Variants in FAM171A2 observed in about 807,000 individuals in gnomAD.
FAM171A2 encodes protein FAM171A2.
A neutral mutation model predicts 34.2 loss-of-function variants in FAM171A2; 13 were observed. The ratio of observed to expected loss-of-function variants is 0.38; its 90% CI spans 0.25 to 0.60. The LOEUF (loss-of-function observed/expected upper bound fraction) is 0.60. Among genes scored for constraint, FAM171A2 ranks in the 20% least tolerant of loss-of-function variants. The probability of loss-of-function intolerance (pLI) is 0.62; values close to 1 mark genes in which losing one functional copy is unlikely to be tolerated. For synonymous variants in FAM171A2, 475 were observed against 561.2 expected, an observed-to-expected ratio of 0.85 and a Z score of 2.17; for missense variants, 950 against 1,180.7, an observed-to-expected ratio of 0.80 and a Z score of 2.86.
chr17:44,360,970 AC>A (rs1230201091), intron 1 of FAM171A2, among the ~76,000 whole-genome samples: 2 of 152,186 alleles, frequency 1.3e-5, no homozygotes, highest in African/African-American at 4.8e-5. Flanking sequence ...CACCATGGCA[AC>A]GCCCTCATTC....
chr17:44,353,765 C>G lies in FAM171A2; in HGVS notation c.2449G>C (p.Glu817Gln). The G allele has an allele frequency of 1.4e-6, 2 of 1,433,730 alleles. No individual in the cohort carries two copies. Among genetic ancestry groups the G allele is most frequent in the Non-Finnish European group, 1.8e-6 (2 of 1,094,032 alleles). The allele number at this position is 1,433,730 out of a possible 1,614,324, so 88.8% of individuals were successfully genotyped here. The change falls in exon 8 of 8, where the codon GAG (glutamate) becomes CAG (glutamine). Residue 817 changes from glutamate (E) to glutamine (Q), a missense_variant. Physicochemically the swap from Glu to Gln is conservative, Grantham distance 29 (BLOSUM62 2). Coordinates refer to ENST00000293443, the MANE Select transcript of FAM171A2 (RefSeq NM_198475.3). ...DKKSPWQRRE[E>Q]RPLMVFNVK ...ACGTTGAACACCATCAGCGGCCGCT[C>G]CTCCCGCCGCTGCCACGGGCTCTTC... is the stretch of plus-strand genomic sequence containing the variant.
intron 3 of FAM171A2, chr17:44,359,333 G>A (rs1160772279): frequency 1.7e-5 from 9 of 520,374 alleles, no homozygotes; most frequent in Admixed American, 1.0e-4. Context: ...TAGAAACCAC[G>A]AGAAGCCCCG....
Position 44,353,656 on chromosome 17 carries a change from G to GC in FAM171A2, c.*76dup. 1 of 1,091,034 alleles carries GC rather than the reference G, an allele frequency of 9.2e-7. No individual in the cohort carries two copies. The allele number at this position is 1,091,034 out of a possible 1,614,324, so 67.6% of individuals were successfully genotyped here. A position where few individuals can be genotyped will look rare whatever the true frequency, so the allele number is the denominator to read the frequency against. ...CTGGGGCTGGGAGCTACGCGCGAGG[G>GC]CCCCCGCGGGCCCCCGGGGCGCGCA... On this transcript the variant is annotated 3_prime_UTR_variant, in exon 8 of 8. Transcript: ENST00000293443.
rs951609712 is a variant in FAM171A2 at position 44,356,064 on chromosome 17, C to T, written c.789G>A (p.Val263=). The change falls in exon 6 of 8, where the codon GTG becomes GTA. Residue 263 remains valine, a synonymous_variant. Transcript: ENST00000293443. The part of the protein sequence containing the change: ...WRFDPKSGLW[V]RNGTGVIRKE... ...TCCGGATTACACCAGTGCCATTGCG[C>T]ACCCACAGCCCTGGGAGAGGCAGGG... is the stretch of plus-strand genomic sequence containing the variant. 2.6e-6 allele frequency: 4 copies of T among 1,540,844 alleles called. No homozygotes were observed. The highest frequency in any genetic ancestry group is 4.0e-5 in the Admixed American group (2 of 50,050).
chr17:44,355,045 G>A lies in FAM171A2; in HGVS notation c.1169C>T (p.Pro390Leu). The A allele has an allele frequency of 6.5e-7, 1 of 1,541,512 alleles. No homozygotes were observed. The highest frequency in any genetic ancestry group is 8.7e-7 in the Non-Finnish European group (1 of 1,143,136). ...GPLEPAPSGD[P>L]EAPPPGPLHS... ...GAGGGGGCCTGGAGGCGGAGCCTCGGGGTCCCCCGACGGGGCGGGTTCCAG... is the reference window on the plus strand; with the variant it reads ...GAGGGGGCCTGGAGGCGGAGCCTCGAGGTCCCCCGACGGGGCGGGTTCCAG... The change falls in exon 8 of 8, where the codon CCC (proline) becomes CTC (leucine). Residue 390 changes from proline to leucine, a missense_variant. Around this residue, in one of 3 missense-constraint regions of FAM171A2, gnomAD observed 752 missense variants for 924.5 expected, o/e 0.81. Coordinates refer to ENST00000293443, the MANE Select transcript of FAM171A2 (RefSeq NM_198475.3). The surrounding 1 kb of genome is among the most constrained non-coding windows in gnomAD (Gnocchi z 4.1).
rs1354585797 is a variant in FAM171A2 at position 44,356,362 on chromosome 17, G to A, written c.599-10C>T. Reference sequence around the variant, plus strand: ...AGCCAGGAGCCATTGCCTGAGGGAAGAGGGTACAGGGCTGAGGGCTGATCC... The same window carrying A: ...AGCCAGGAGCCATTGCCTGAGGGAAAAGGGTACAGGGCTGAGGGCTGATCC... On this transcript the variant is annotated splice_polypyrimidine_tract_variant and intron_variant, in intron 4 of 7. Coordinates refer to ENST00000293443, the MANE Select transcript of FAM171A2 (RefSeq NM_198475.3). 7.8e-6 allele frequency: 12 copies of A among 1,543,890 alleles called. No individual in the cohort carries two copies. Among genetic ancestry groups the A allele is most frequent in the South Asian group, 4.8e-5 (4 of 83,846 alleles).
Position 44,354,952 on chromosome 17 carries a change from C to G in FAM171A2, c.1262G>C (p.Arg421Pro). 6.9e-7 allele frequency: 1 copy of G among 1,447,914 alleles called. No homozygotes were observed. Among genetic ancestry groups the G allele is most frequent in the African/African-American group, 1.5e-5 (1 of 68,340 alleles). 89.7% of individuals were successfully genotyped at this position (1,447,914 alleles called of 1,614,324 possible). The change falls in exon 8 of 8, where the codon CGC becomes CCC. Residue 421 changes from arginine to proline, a missense_variant. This residue lies in a region of FAM171A2 where 752 missense variants were observed against 924.5 expected (regional missense o/e 0.81). Transcript: ENST00000293443. This position sits in a 1 kb window ranked among gnomAD's most constrained non-coding sequence, Gnocchi z 5.8. ...CTCGGCGGCCGGGCGGCTGGCAGAG[C>G]GCGGCTTGGTGCGGAAGAAGTCATC... ...SRDDFFRTKP[R>P]SASRPAAEPS...
At chr17:44,357,747 G>GTGTGTGTGTGTGTGTGTGTGTA (rs1177809247) in intron 3 of FAM171A2, among the ~76,000 whole-genome samples, 1 of 151,870 alleles carries the variant, frequency 6.6e-6, no homozygotes, top group Non-Finnish European at 1.5e-5. Context: ...GTGTGTGTGT[G>GTGTGTGTGTGTGTGTGTGTGTA]TGTGTGTGTG....
intron 3 of FAM171A2, among the ~76,000 whole-genome samples, chr17:44,357,566 G>C (rs556824625): frequency 6.6e-6 from 1 of 152,202 alleles, no homozygotes; most frequent in African/African-American, 2.4e-5. Flanking sequence ...AGAATCGCTT[G>C]AACCCAGGCA....
rs1258749682 is a variant in FAM171A2 at position 44,353,781 on chromosome 17, C to T, written c.2433G>A (p.Pro811=). Residue 811 remains proline (P), a synonymous_variant, in exon 8 of 8, where the codon CCG becomes CCA. Transcript: ENST00000293443. ...VGDEAGDKKS[P]WQRREERPLM... Reference sequence around the variant, plus strand: ...GCGGCCGCTCCTCCCGCCGCTGCCACGGGCTCTTCTTGTCTCCCGCCTCGT... The same window carrying T: ...GCGGCCGCTCCTCCCGCCGCTGCCATGGGCTCTTCTTGTCTCCCGCCTCGT... 56 of 1,437,716 alleles carry T rather than the reference C, an allele frequency of 3.9e-5. No individual in the cohort carries two copies. Among genetic ancestry groups the T allele is most frequent in the African/African-American group, 6.0e-5 (4 of 67,148 alleles). 89.1% of individuals were successfully genotyped at this position (1,437,716 alleles called of 1,614,324 possible). A position where few individuals can be genotyped will look rare whatever the true frequency, so the allele number is the denominator to read the frequency against.
rs1229937303 is a variant in FAM171A2, at chr17:44,360,186, T to A, written c.119-54A>T. The A allele has an allele frequency of 6.4e-6, 9 of 1,401,586 alleles. No individual in the cohort carries two copies. The East Asian group carries it at 2.3e-4, about 35-fold the overall frequency. The allele number at this position is 1,401,586 out of a possible 1,614,324, so 86.8% of individuals were successfully genotyped here. A position where few individuals can be genotyped will look rare whatever the true frequency, so the allele number is the denominator to read the frequency against. Reference sequence around the variant, plus strand: ...AGGACGAGGGAGGGGGAAAGAGAACTGGGGGGAGCCCCAAGATCAGAGGAA... The same window carrying A: ...AGGACGAGGGAGGGGGAAAGAGAACAGGGGGGAGCCCCAAGATCAGAGGAA... On this transcript the variant is annotated intron_variant, in intron 1 of 7. Transcript: ENST00000293443.
chr17:44,357,574 G>A (rs971076953), intron 3 of FAM171A2, among the ~76,000 whole-genome samples: 4 of 152,078 alleles, frequency 2.6e-5, no homozygotes, highest in Non-Finnish European at 4.4e-5. Flanking sequence ...TTGAACCCAG[G>A]CAGCAGAGGT....
rs989494663 is a variant in FAM171A2 at position 44,354,870 on chromosome 17, C to G, written c.1344G>C (p.Glu448Asp). The G allele has an allele frequency of 1.5e-6, 2 of 1,298,432 alleles. No homozygotes were observed. Among genetic ancestry groups the G allele is most frequent in the Non-Finnish European group, 1.9e-6 (2 of 1,026,956 alleles). 80.4% of individuals were successfully genotyped at this position (1,298,432 alleles called of 1,614,324 possible). The change falls in exon 8 of 8, where the codon GAG (glutamate) becomes GAC (aspartate). Residue 448 changes from glutamate to aspartate, a missense_variant. Around this residue, in one of 3 missense-constraint regions of FAM171A2, gnomAD observed 752 missense variants for 924.5 expected, o/e 0.81. Transcript: ENST00000293443. The surrounding 1 kb of genome is among the most constrained non-coding windows in gnomAD (Gnocchi z 5.8). ...GGCCGGGCTCCAGCCCGCCGGGGCC[C>G]TCGGCCGAGCGAGCGCCCTTGAGCC... Reference protein sequence around the residue: ...SAGLKGARSAEGPGGLEPGLE... With the variant: ...SAGLKGARSADGPGGLEPGLE...
At position 44,363,683 on chromosome 17, in the gene FAM171A2, G is replaced by C; in HGVS notation, c.32C>G (p.Ala11Gly). MPPASGPSVL[A>G]RLLPLLGLLL... ...CAGCCCCAGCAGCGGCAACAGCCGC[G>C]CGAGGACGCTGGGGCCACTCGCCGG... Residue 11 changes from alanine to glycine, a missense_variant, in exon 1 of 8, where the codon GCG becomes GGG. Ala to Gly is a moderately conservative substitution (Grantham distance 60). Transcript: ENST00000293443. 2.5e-6 allele frequency: 3 copies of C among 1,223,664 alleles called. No individual in the cohort carries two copies. The highest frequency in any genetic ancestry group is 3.1e-6 in the Non-Finnish European group (3 of 982,366). The allele number at this position is 1,223,664 out of a possible 1,614,324, so 75.8% of individuals were successfully genotyped here.
rs921127430 is a variant in FAM171A2 at position 44,353,305 on chromosome 17, G to C, written c.*428C>G. ...CAGAGCTGTCCCAGCCACCAGCCCT[G>C]TGACATCGTAGCCCAGAGATGGGCT... On this transcript the variant is annotated 3_prime_UTR_variant, in exon 8 of 8. Transcript: ENST00000293443. 1.6e-5 allele frequency: 3 copies of C among 186,220 alleles called. No individual in the cohort carries two copies. Among genetic ancestry groups the C allele is most frequent in the Non-Finnish European group, 3.4e-5 (3 of 88,560 alleles). 11.5% of individuals were successfully genotyped at this position (186,220 alleles called of 1,614,324 possible).
Position 44,353,760 on chromosome 17 carries a change from C to G in FAM171A2, c.2454G>C (p.Arg818=), listed in dbSNP as rs746169248. Residue 818 remains arginine, a synonymous_variant, in exon 8 of 8, where the codon CGG becomes CGC. Coordinates refer to ENST00000293443, the MANE Select transcript of FAM171A2 (RefSeq NM_198475.3). ...ACTTGACGTTGAACACCATCAGCGG[C>G]CGCTCCTCCCGCCGCTGCCACGGGC... The part of the protein sequence containing the change: ...KKSPWQRREE[R]PLMVFNVK 7.0e-7 allele frequency: 1 copy of G among 1,431,688 alleles called. No individual in the cohort carries two copies. The highest frequency in any genetic ancestry group is 1.3e-5 in the South Asian group (1 of 75,300). The allele number at this position is 1,431,688 out of a possible 1,614,324, so 88.7% of individuals were successfully genotyped here.
Position 44,355,589 on chromosome 17 carries a change from CTTAGCA to C in FAM171A2, c.1022+120_1022+125del, listed in dbSNP as rs2048418929. On this transcript the variant is annotated intron_variant, in intron 7 of 7. Coordinates refer to ENST00000293443, the MANE Select transcript of FAM171A2 (RefSeq NM_198475.3). The surrounding 1 kb of genome is among the most constrained non-coding windows in gnomAD (Gnocchi z 4.1). The stretch of plus-strand genomic sequence containing the variant: ...AACCACCAGCACCAGCCCTTCAGGT[CTTAGCA>C]TGTTTGCAGGAAGTCTTTTCCTGTC... The C allele has an allele frequency of 2.2e-6, 3 of 1,360,074 alleles. No homozygotes were observed. The African/African-American group carries it at 4.3e-5, about 20-fold the overall frequency. The allele number at this position is 1,360,074 out of a possible 1,614,324, so 84.3% of individuals were successfully genotyped here. A position where few individuals can be genotyped will look rare whatever the true frequency, so the allele number is the denominator to read the frequency against.
intron 1 of FAM171A2, among the ~76,000 whole-genome samples, chr17:44,362,300 TCTC>T (rs2048451366): frequency 6.6e-6 from 1 of 151,934 alleles, no homozygotes; most frequent in African/African-American, 2.4e-5. Flanking sequence ...AAAAGCCTGA[TCTC>T]CTCCCCGAGA....
At chr17:44,358,394 C>G (rs1567891866) in intron 3 of FAM171A2, among the ~76,000 whole-genome samples, 2 of 152,094 alleles carry the variant, frequency 1.3e-5, no homozygotes, top group Non-Finnish European at 2.9e-5. Context: ...GGTGAGCAAA[C>G]AAGAGCAGCT....
Sources: allele counts gnomAD v4.1 joint callset (sites outside exome capture counted in the v4.1 genomes callset), GRCh38; gene constraint gnomAD v4.1.1; regional missense constraint gnomAD v4.1.1; non-coding constraint Gnocchi (gnomAD v3.1); transcripts MANE v1.5; gene names NCBI Gene and HGNC (gene_info 2026-07-23, HGNC 2026-07-21).